Variants in PLB1 observed in about 807,000 individuals in gnomAD.
PLB1 encodes the protein phospholipase B1, membrane-associated.
In PLB1, 242 loss-of-function variants were observed where a neutral mutation model predicts 227.4. That is an observed-to-expected ratio of 1.06 (90% CI 0.96 to 1.18). PLB1 has a LOEUF of 1.18. PLB1 is among the 50% of genes most tolerant of loss of function. The probability of loss-of-function intolerance (pLI) is 0.00; values close to 1 mark genes in which losing one functional copy is unlikely to be tolerated. For synonymous variants in PLB1, 757 were observed against 682.2 expected, an observed-to-expected ratio of 1.11 and a Z score of -1.71; for missense variants, 1,858 against 1,816.3, an observed-to-expected ratio of 1.02 and a Z score of -0.42.
At chr2:28,535,068 A>AT (rs1190944685) in intron 9 of PLB1, among the ~76,000 whole-genome samples, 1 of 152,116 alleles carries the variant, frequency 6.6e-6, no homozygotes, top group Non-Finnish European at 1.5e-5. Context: ...AGACTTAATG[A>AT]TTTTTGTCAA....
At chr2:28,579,892 G>C (rs947189913) in intron 23 of PLB1, among the ~76,000 whole-genome samples, 185 bp downstream of exon 23, 2 of 152,188 alleles carry the variant, frequency 1.3e-5, no homozygotes, top group African/African-American at 4.8e-5. Flanking sequence ...ATTCAGCTGG[G>C]CAAGCAGGAT....
intron 1 of PLB1, among the ~76,000 whole-genome samples, chr2:28,503,841 G>C (rs531118492): frequency 5.9e-5 from 9 of 152,190 alleles, no homozygotes; most frequent in African/African-American, 2.2e-4. Context: ...GCAAGTTTCT[G>C]TAGTAGCCTG....
Position 28,589,477 on chromosome 2 carries a change from G to T in PLB1, c.1843G>T (p.Gly615Trp), listed in dbSNP as rs1324554053. 7 of 1,614,188 alleles carry T rather than the reference G, an allele frequency of 4.3e-6. No individual in the cohort carries two copies. The highest frequency in any genetic ancestry group is 5.9e-6 in the Non-Finnish European group (7 of 1,180,030). Residue 615 changes from glycine to tryptophan, a missense_variant, in exon 27 of 58, where the codon GGG becomes TGG. Gly to Trp is a radical substitution (Grantham distance 184). Coordinates refer to ENST00000327757, the MANE Select transcript of PLB1 (RefSeq NM_153021.5). ...QEKTHQLIES[G>W]RYDTREDFTV... is the part of the protein sequence containing the mutation. ...GAAGACCCACCAACTGATTGAGAGTGGGCGATATGACACAAGGGAAGATTT... is the reference window on the plus strand; with the variant it reads ...GAAGACCCACCAACTGATTGAGAGTTGGCGATATGACACAAGGGAAGATTT...
In PLB1 at chr2:28,620,979, G is replaced by A. The variant is rs1292958851; in HGVS notation, c.3527+1G>A. The A allele has an allele frequency of 6.2e-7, 1 of 1,608,404 alleles. No individual in the cohort carries two copies. Among genetic ancestry groups the A allele is most frequent in the Non-Finnish European group, 8.5e-7 (1 of 1,176,322 alleles). ...TGGCAGCGGAAGGGGCCAGAGCTAG[G>A]TGAGTAGATGCCGTACAGGAGGGCG... On this transcript the variant is annotated splice_donor_variant, in intron 49 of 57. Coordinates refer to ENST00000327757, the MANE Select transcript of PLB1 (RefSeq NM_153021.5). LOFTEE classifies it high-confidence loss of function.
intron 33 of PLB1, 31 bp downstream of exon 33, chr2:28,593,785 TCCC>T (rs372213097): frequency 1.3e-6 from 2 of 1,582,182 alleles, no homozygotes; most frequent in Non-Finnish European, 1.7e-6. Flanking sequence ...CTCCCAGCGT[TCCC>T]CCCACAACAG....
intron 33 of PLB1, among the ~76,000 whole-genome samples, chr2:28,597,485 A>G (rs1573304602): frequency 6.6e-6 from 1 of 152,244 alleles, no homozygotes; most frequent in African/African-American, 2.4e-5. Context: ...AATGAAAATT[A>G]GATGGGGCAT....
In PLB1 at chr2:28,628,579, C is replaced by T. The variant is rs768384589; in HGVS notation, c.3677C>T (p.Thr1226Met). ...YCENPEAHLA[T>M]EYVQHIQQAL... ...TCCTTACAGGAGGCCCACTTGGCCA[C>T]GGAATATGTTCAGCACATCCAACAG... is the stretch of plus-strand genomic sequence containing the variant. Residue 1226 changes from threonine (T) to methionine (M), a missense_variant, in exon 52 of 58, where the codon ACG (threonine) becomes ATG (methionine). Thr to Met is a moderately conservative substitution (Grantham distance 81, BLOSUM62 -1). Coordinates refer to ENST00000327757, the MANE Select transcript of PLB1 (RefSeq NM_153021.5). 14 of 1,614,108 alleles carry T rather than the reference C, an allele frequency of 8.7e-6. No homozygotes were observed. Among genetic ancestry groups the T allele is most frequent in the South Asian group, 4.4e-5 (4 of 91,084 alleles).
chr2:28,618,297 A>C (rs747872120), intron 45 of PLB1, 44 bp from the exon 46 acceptor site: 1 of 1,552,736 alleles, frequency 6.4e-7, no homozygotes, highest in Non-Finnish European at 8.9e-7. Flanking sequence ...TAAGAGGTAG[A>C]TACCCCCAGC....
intron 50 of PLB1, 70 bp downstream of exon 50, chr2:28,625,178 A>G (rs938154762): frequency 4.9e-6 from 7 of 1,418,884 alleles, no homozygotes; most frequent in African/African-American, 4.2e-5. Flanking sequence ...GGACAGCCCC[A>G]TAAGGGTCCC....
chr2:28,580,203 C>T (rs969190838), intron 23 of PLB1, among the ~76,000 whole-genome samples: 1 of 152,204 alleles, frequency 6.6e-6, no homozygotes, highest in African/African-American at 2.4e-5. Flanking sequence ...CTCCTGGAAC[C>T]TCAGTCTCTG....
intron 1 of PLB1, among the ~76,000 whole-genome samples, chr2:28,498,786 A>G (rs1666767279): frequency 6.6e-6 from 1 of 152,218 alleles, no homozygotes; most frequent in South Asian, 2.1e-4. Flanking sequence ...GTTTTTGAGA[A>G]AAGAAGTCTT....
intron 56 of PLB1, among the ~76,000 whole-genome samples, chr2:28,636,003 G>GTGTA (rs1553467660): frequency 1.3e-5 from 2 of 151,506 alleles, no homozygotes; most frequent in Non-Finnish European, 2.9e-5. Context: ...GTGTATGTAT[G>GTGTA]TGTATGTATG....
intron 43 of PLB1, among the ~76,000 whole-genome samples, chr2:28,608,362 CT>C (rs1025963974): frequency 2.3e-4 from 35 of 152,194 alleles, no homozygotes; most frequent in Admixed American, 6.5e-5. Context: ...CAGGCAGCAC[CT>C]ATTTTTGTCC....
rs534455134 is a variant in PLB1, at chr2:28,631,651, A to G, written c.3898-385A>G. Among the ~76,000 whole-genome samples the G allele has an allele frequency of 3.9e-5, 6 of 152,264 alleles. No individual in the cohort carries two copies. In the South Asian group the frequency reaches 1.0e-3, roughly 26 times the overall value. ...TGCTCCCCATCTGACCTGCAGCCCC[A>G]TGTTCTAATTGACCTCTTCGTGCAG... On this transcript the variant is annotated intron_variant, in intron 54 of 57. Transcript: ENST00000327757.
rs1673994094 is a variant in PLB1 at position 28,550,166 on chromosome 2, C to T, written c.1083+82C>T. The stretch of plus-strand genomic sequence containing the variant: ...CTTGCTGAATCTTTCGAACCTTCCA[C>T]GTGGTTTTTTTTTTTTTTTCTTTTG... On this transcript the variant is annotated intron_variant, in intron 16 of 57. Transcript: ENST00000327757. 31 of 1,062,844 alleles carry T rather than the reference C, an allele frequency of 2.9e-5. 1 individual carries two copies. In the South Asian group the frequency reaches 4.1e-4, roughly 14 times the overall value. The allele number at this position is 1,062,844 out of a possible 1,614,324, so 65.8% of individuals were successfully genotyped here.
intron 8 of PLB1, among the ~76,000 whole-genome samples, chr2:28,531,809 C>G (rs901402898): frequency 1.3e-5 from 2 of 152,028 alleles, no homozygotes; most frequent in African/African-American, 4.8e-5. Context: ...ATCATTGTAG[C>G]TGAATCATTC....
At chr2:28,595,990 T>G (rs904247820) in intron 33 of PLB1, 3 of 152,192 alleles carry the variant, frequency 2.0e-5, no homozygotes, top group Admixed American at 6.5e-5. Flanking sequence ...GAGCATTGCC[T>G]TTTCTTCCAT....
At chr2:28,601,791 AG>A in intron 37 of PLB1, 107 bp from the exon 38 acceptor site, 1 of 919,804 alleles carries the variant, frequency 1.1e-6, no homozygotes, top group Non-Finnish European at 1.8e-6. Flanking sequence ...TGGAGGCTAG[AG>A]GGGGAACAAG....
chr2:28,592,130 C>T (rs945122356), intron 31 of PLB1, among the ~76,000 whole-genome samples: 2 of 152,160 alleles, frequency 1.3e-5, no homozygotes, highest in Non-Finnish European at 2.9e-5. Context: ...TACAGTAGGG[C>T]CTGGAAGTTT....
Sources: allele counts gnomAD v4.1 joint callset (sites outside exome capture counted in the v4.1 genomes callset), GRCh38; gene constraint gnomAD v4.1.1; transcripts MANE v1.5; gene names NCBI Gene and HGNC (gene_info 2026-07-23, HGNC 2026-07-21).